Variants in FAM107B observed in about 807,000 individuals in gnomAD.
The protein encoded by FAM107B is protein FAM107B.
In FAM107B, 21 loss-of-function variants were observed where a neutral mutation model predicts 31.5. The observed-to-expected ratio is 0.67, with a 90% confidence interval of 0.47 to 0.96. The LOEUF is 0.96. Among genes scored for constraint, FAM107B ranks in the 40% least tolerant of loss-of-function variants. The pLI is 0.00. For missense variants in FAM107B, 452 were observed against 377.1 expected (o/e 1.20, Z -1.64); for synonymous variants, 157 against 141.5 (o/e 1.11, Z -0.78).
intron 2 of FAM107B, among the ~76,000 whole-genome samples, chr10:14,655,934 A>G (rs1854040898): frequency 1.3e-5 from 2 of 152,162 alleles, no homozygotes; most frequent in Admixed American, 1.3e-4. Context: ...AAGCCTTTAC[A>G]GAGAGGCATG....
intron 2 of FAM107B, among the ~76,000 whole-genome samples, chr10:14,614,190 C>T (rs1374174092): frequency 6.6e-6 from 1 of 152,072 alleles, no homozygotes; most frequent in Non-Finnish European, 1.5e-5. Context: ...CAGTCGTTGT[C>T]CTGGGAGGTT....
intron 2 of FAM107B, among the ~76,000 whole-genome samples, chr10:14,596,143 T>C (rs1270881047): frequency 6.6e-6 from 1 of 152,162 alleles, no homozygotes; most frequent in East Asian, 1.9e-4. Flanking sequence ...GCCACTGGGC[T>C]GATATTTGCA....
At chr10:14,697,138 GCT>G (rs144057903) in intron 1 of FAM107B, among the ~76,000 whole-genome samples, 24 of 152,316 alleles carry the variant, frequency 1.6e-4, no homozygotes, top group African/African-American at 5.8e-4. Flanking sequence ...TGTGCTTGGG[GCT>G]CTGGCTGAGG....
intron 1 of FAM107B, among the ~76,000 whole-genome samples, chr10:14,710,264 TAGTC>T (rs754311126): frequency 5.3e-5 from 8 of 151,934 alleles, no homozygotes; most frequent in Non-Finnish European, 1.2e-4. Flanking sequence ...AAATGTAACA[TAGTC>T]AGACTCCATC....
chr10:14,590,675 G>C (rs961845646), intron 2 of FAM107B, among the ~76,000 whole-genome samples: 5 of 152,100 alleles, frequency 3.3e-5, no homozygotes, highest in African/African-American at 1.2e-4. Context: ...GAAGTTGAGA[G>C]GTGCCATTAA....
chr10:14,625,777 T>C (rs1853144765), intron 2 of FAM107B, among the ~76,000 whole-genome samples: 1 of 145,064 alleles, frequency 6.9e-6, no homozygotes, highest in South Asian at 2.2e-4. Context: ...ATAACTGAAT[T>C]AAATAAATAT....
chr10:14,537,759 C>T (rs1470067188), intron 2 of FAM107B, among the ~76,000 whole-genome samples: 4 of 149,422 alleles, frequency 2.7e-5, no homozygotes, highest in Admixed American at 6.7e-5. Flanking sequence ...AGCTTGAACC[C>T]AGGAGGCGGA....
intron 1 of FAM107B, among the ~76,000 whole-genome samples, chr10:14,717,637 G>A (rs368354131): frequency 2.2e-4 from 34 of 152,156 alleles, no homozygotes; most frequent in African/African-American, 7.7e-4. Flanking sequence ...CCAATCTTCC[G>A]CCTGCTTTGT....
intron 2 of FAM107B, among the ~76,000 whole-genome samples, chr10:14,606,393 C>T (rs1390905683): frequency 6.6e-6 from 1 of 152,102 alleles, no homozygotes; most frequent in African/African-American, 2.4e-5. Context: ...TGCACTGTAT[C>T]GTAAATATGT....
intron 2 of FAM107B, among the ~76,000 whole-genome samples, 196 bp downstream of exon 2, chr10:14,667,438 C>T (rs529194432): frequency 1.3e-5 from 2 of 152,318 alleles, no homozygotes; most frequent in African/African-American, 2.4e-5. Flanking sequence ...AAGAACAGAA[C>T]GAGCTATTTT....
intron 2 of FAM107B, among the ~76,000 whole-genome samples, chr10:14,605,678 A>C (rs1361005350): frequency 1.3e-5 from 2 of 152,222 alleles, no homozygotes; most frequent in Admixed American, 6.5e-5. Flanking sequence ...GAACTTAAAG[A>C]AACTCCTTCC....
chr10:14,651,161 A>T (rs74592823), intron 2 of FAM107B, among the ~76,000 whole-genome samples: 5,244 of 152,332 alleles, frequency 0.034, 109 homozygotes, highest in South Asian at 0.052. Context: ...TTTAGCTAGT[A>T]TATCATTGGC....
chr10:14,536,411 C>T (rs1239864023), intron 2 of FAM107B, among the ~76,000 whole-genome samples: 4 of 152,198 alleles, frequency 2.6e-5, no homozygotes, highest in African/African-American at 9.7e-5. Flanking sequence ...ATTCTGCCAA[C>T]CCTCTGGCAA....
intron 2 of FAM107B, chr10:14,554,049 G>T: frequency 1.1e-6 from 1 of 950,950 alleles, no homozygotes; most frequent in Non-Finnish European, 1.3e-6. Context: ...ATCCTAAGAG[G>T]CTCACTGCCA....
At chr10:14,766,202 T>G (rs986952639) in intron 1 of FAM107B, among the ~76,000 whole-genome samples, 5 of 152,206 alleles carry the variant, frequency 3.3e-5, no homozygotes, top group Non-Finnish European at 7.3e-5. Context: ...GGGGAACATG[T>G]TTTGGATCTG....
chr10:14,528,921 T>C (rs1300517039), intron 3 of FAM107B, among the ~76,000 whole-genome samples: 1 of 152,262 alleles, frequency 6.6e-6, no homozygotes, highest in Non-Finnish European at 1.5e-5. Flanking sequence ...CTTGGAGCCC[T>C]TTCATAGATT....
At chr10:14,653,643 G>A (rs1186084518) in intron 2 of FAM107B, among the ~76,000 whole-genome samples, 11 of 152,208 alleles carry the variant, frequency 7.2e-5, no homozygotes. Context: ...TTCCTTGGTG[G>A]CAATGCACAG....
At chr10:14,580,617 C>T (rs1228982163) in intron 2 of FAM107B, among the ~76,000 whole-genome samples, 1 of 151,980 alleles carries the variant, frequency 6.6e-6, no homozygotes, top group Non-Finnish European at 1.5e-5. Flanking sequence ...CAAGGAACAG[C>T]GCACTACAGC....
At chr10:14,759,691 G>A (rs1176620548) in intron 1 of FAM107B, among the ~76,000 whole-genome samples, 5 of 152,048 alleles carry the variant, frequency 3.3e-5, no homozygotes, top group Admixed American at 3.3e-4. Context: ...TTGAGGAGGT[G>A]TTTATGGTAT....
Sources: gnomAD v4.1 joint callset for allele counts (sites outside exome capture counted in the v4.1 genomes callset) on GRCh38, gnomAD v4.1.1 for gene constraint, MANE v1.5 for transcripts, NCBI Gene and HGNC (gene_info 2026-07-23, HGNC 2026-07-21) for gene names.